Variants in RNF185 observed in about 807,000 individuals in gnomAD.
RNF185 encodes the protein ring finger protein 185.
In RNF185, 13 loss-of-function variants were observed where a neutral mutation model predicts 24.9. That is an observed-to-expected ratio of 0.52 (90% CI 0.34 to 0.83). RNF185 has a LOEUF of 0.83. RNF185 is among the 40% of genes least tolerant of loss of function. The pLI, the probability that RNF185 is intolerant of heterozygous loss-of-function variation, is 0.01. For missense variants in RNF185, 184 were observed against 244.7 expected, an observed-to-expected ratio of 0.75 and a Z score of 1.65; for synonymous variants, 79 against 90.3, an observed-to-expected ratio of 0.88 and a Z score of 0.71.
intron 4 of RNF185, 108 bp from the exon 5 acceptor site, chr22:31,196,828 A>C: frequency 6.9e-7 from 1 of 1,440,892 alleles, no homozygotes; most frequent in African/African-American, 1.4e-5. Flanking sequence ...TGTCCTGGAC[A>C]AGAAAGAGGC....
chr22:31,186,913 G>T (rs1315801315), intron 1 of RNF185, 134 bp from the exon 2 acceptor site: 5 of 659,316 alleles, frequency 7.6e-6, no homozygotes, highest in Non-Finnish European at 1.0e-5. Flanking sequence ...CTTGTCTTCT[G>T]TAGCGCTTTG....
chr22:31,174,450 G>GCAGCGGCGTCATCATCA lies in RNF185; in HGVS notation c.-48-12596_-48-12595insAGCGGCGTCATCATCAC, dbSNP rs2047961931. ...GTTGGAGTGCAGTGGCGTCATCATC[G>GCAGCGGCGTCATCATCA]CTCACTGCAGCCTTGAGCTCCTGGG... is the stretch of plus-strand genomic sequence containing the variant. On this transcript the variant is annotated intron_variant, in intron 1 of 6. Transcript: ENST00000326132. Among the ~76,000 whole-genome samples the GCAGCGGCGTCATCATCA allele has an allele frequency of 7.9e-5, 12 of 151,958 alleles. No homozygotes were observed. The South Asian group carries it at 2.5e-3, about 32-fold the overall frequency.
At chr22:31,167,875 A>G (rs1222871800) in intron 1 of RNF185, among the ~76,000 whole-genome samples, 1 of 152,088 alleles carries the variant, frequency 6.6e-6, no homozygotes. Context: ...GGCTTCCCAG[A>G]GTGCTGGGAT....
rs149267234 is a variant in RNF185, at chr22:31,171,156, C to CTTACTTACTTATTTAT, written c.-49+10856_-49+10857insCTTACTTATTTATTTA. On this transcript the variant is annotated intron_variant, in intron 1 of 6. Coordinates refer to ENST00000326132, the MANE Select transcript of RNF185 (RefSeq NM_152267.4). ...AGGAACCAGGACCTTCTCTGATTTA[C>CTTACTTACTTATTTAT]TTATTTATTTATTTATTTATTTATT... 1.1e-4 allele frequency among the ~76,000 whole-genome samples: 16 copies of CTTACTTACTTATTTAT among 143,234 alleles called. No homozygotes were observed. The East Asian group carries it at 1.6e-3, about 14-fold the overall frequency. 94.0% of individuals were successfully genotyped at this position (143,234 alleles called of 152,430 possible).
chr22:31,164,843 C>T (rs1923814367), intron 1 of RNF185, among the ~76,000 whole-genome samples: 1 of 152,036 alleles, frequency 6.6e-6, no homozygotes. Flanking sequence ...GCCTCGGCCT[C>T]CCAAAGTTCT....
At chr22:31,191,210 C>A (rs2048152821) in intron 2 of RNF185, among the ~76,000 whole-genome samples, 1 of 152,198 alleles carries the variant, frequency 6.6e-6, no homozygotes, top group Non-Finnish European at 1.5e-5. Context: ...GTCATTCATT[C>A]ACCTCCACTT....
At chr22:31,187,923 G>T (rs201261569) in intron 2 of RNF185, among the ~76,000 whole-genome samples, 31 of 74,690 alleles carry the variant, frequency 4.2e-4, no homozygotes, top group Non-Finnish European at 6.4e-4. Flanking sequence ...TTGGTTTTTT[G>T]TGTGTGTGTG....
chr22:31,184,554 C>T (rs539877833), intron 1 of RNF185, among the ~76,000 whole-genome samples: 45 of 152,258 alleles, frequency 3.0e-4, no homozygotes, highest in Middle Eastern at 3.4e-3. Context: ...CTTTGGGAGG[C>T]CAAGGCAGGC....
At chr22:31,175,446 C>A (rs1286519361) in intron 1 of RNF185, among the ~76,000 whole-genome samples, 2 of 146,306 alleles carry the variant, frequency 1.4e-5, no homozygotes, top group Admixed American at 1.4e-4. Flanking sequence ...AAGAGTGAAA[C>A]TGTCTCAAAA....
Position 31,171,152 on chromosome 22 carries a change from T to TTTAC in RNF185, c.-49+10853_-49+10856dup, listed in dbSNP as rs1368523728. 1.2e-4 allele frequency among the ~76,000 whole-genome samples: 17 copies of TTTAC among 144,954 alleles called. No individual in the cohort carries two copies. The East Asian group carries it at 2.0e-3, about 17-fold the overall frequency. ...GCACAGGAACCAGGACCTTCTCTGA[T>TTTAC]TTACTTATTTATTTATTTATTTATT... On this transcript the variant is annotated intron_variant, in intron 1 of 6. Transcript: ENST00000326132.
chr22:31,195,637 C>G (rs1264377525), intron 4 of RNF185, 56 bp downstream of exon 4: 5 of 1,115,360 alleles, frequency 4.5e-6, no homozygotes, highest in Non-Finnish European at 6.6e-6. Flanking sequence ...TGAATTCACT[C>G]CCATTCAGCA....
chr22:31,167,610 C>CTG (rs1924008546), intron 1 of RNF185, among the ~76,000 whole-genome samples: 1 of 107,364 alleles, frequency 9.3e-6, no homozygotes, highest in East Asian at 2.9e-4. Context: ...GGGTTTTTTC[C>CTG]TTTTTTTTTT....
chr22:31,198,619 G>C (rs1312282996), intron 5 of RNF185, among the ~76,000 whole-genome samples: 1 of 147,862 alleles, frequency 6.8e-6, no homozygotes, highest in African/African-American at 2.5e-5. Flanking sequence ...GGCTGGTCTC[G>C]AACTCCCAAG....
intron 5 of RNF185, 95 bp from the exon 6 acceptor site, chr22:31,201,403 C>A: frequency 1.1e-6 from 1 of 874,644 alleles, no homozygotes; most frequent in Non-Finnish European, 1.9e-6. Flanking sequence ...GAGGCAGGTG[C>A]CACATGCAAG....
rs1246399300 is a variant in RNF185, at chr22:31,204,660, T to G, written c.*74T>G. 3.1e-6 allele frequency: 3 copies of G among 976,408 alleles called. No individual in the cohort carries two copies. The highest frequency in any genetic ancestry group is 1.7e-5 in the Admixed American group (1 of 58,814). The allele number at this position is 976,408 out of a possible 1,614,324, so 60.5% of individuals were successfully genotyped here. A position where few individuals can be genotyped will look rare whatever the true frequency, so the allele number is the denominator to read the frequency against. ...GCCACCCCAACTCCTGGTGTTTGGC[T>G]TCCTGGCTAATCTTGACTCCTGGAA... is the stretch of plus-strand genomic sequence containing the variant. On this transcript the variant is annotated 3_prime_UTR_variant, in exon 7 of 7. Transcript: ENST00000326132.
intron 2 of RNF185, among the ~76,000 whole-genome samples, chr22:31,192,202 G>C (rs2048162479): frequency 6.6e-6 from 1 of 152,202 alleles, no homozygotes; most frequent in Non-Finnish European, 1.5e-5. Flanking sequence ...CTACCTGAGA[G>C]TCCACACATC....
chr22:31,196,843 GC>G lies in RNF185; in HGVS notation c.309-90del, dbSNP rs564947512. ...TGTCCTGGACAAGAAAGAGGCTATG[GC>G]CCTGACCCTGTTGGTAAAGAGCTCC... On this transcript the variant is annotated intron_variant, in intron 4 of 6. Transcript: ENST00000326132. 1.6e-5 allele frequency: 24 copies of G among 1,542,930 alleles called. No homozygotes were observed. The South Asian group carries it at 2.6e-4, about 17-fold the overall frequency.
intron 2 of RNF185, among the ~76,000 whole-genome samples, chr22:31,187,471 C>T (rs979155491): frequency 2.0e-5 from 3 of 152,200 alleles, no homozygotes; most frequent in South Asian, 2.1e-4. Flanking sequence ...ACTCTAAGCT[C>T]GTTCTCCCCA....
At chr22:31,171,957 A>G (rs2047934808) in intron 1 of RNF185, among the ~76,000 whole-genome samples, 1 of 152,060 alleles carries the variant, frequency 6.6e-6, no homozygotes, top group Non-Finnish European at 1.5e-5. Flanking sequence ...AACAAGAACG[A>G]AACTCCATCT....
Sources: gnomAD v4.1 joint callset for allele counts (sites outside exome capture counted in the v4.1 genomes callset) on GRCh38, gnomAD v4.1.1 for gene constraint, MANE v1.5 for transcripts, NCBI Gene and HGNC (gene_info 2026-07-23, HGNC 2026-07-21) for gene names.